The following CELF4 variants were observed in gnomAD, a reference collection of about 807,000 sequenced individuals.
CELF4 encodes the protein CUG-BP- and ETR-3-like factor 4.
A neutral mutation model predicts 59.9 loss-of-function variants in CELF4; 18 were observed. The observed-to-expected ratio is 0.30, with a 90% CI of 0.21 to 0.45. The LOEUF is 0.45. Ranked by LOEUF, CELF4 falls within the 20% of genes least tolerant of loss-of-function variation. CELF4 has a pLI of 1.00. For synonymous variants in CELF4, 261 were observed against 267.1 expected (o/e 0.98, Z 0.22); for missense variants, 456 against 689.0 (o/e 0.66, Z 3.79).
At chr18:37,324,546 C>T (rs534875018) in intron 2 of CELF4, among the ~76,000 whole-genome samples, 1 of 152,302 alleles carries the variant, frequency 6.6e-6, no homozygotes, top group South Asian at 2.1e-4. Context: ...TTGTTTAAGC[C>T]ACCTGGTCTG....
chr18:37,555,631 T>C (rs182546078), intron 1 of CELF4, among the ~76,000 whole-genome samples: 237 of 152,346 alleles, frequency 1.6e-3, no homozygotes, highest in Non-Finnish European at 2.9e-3. Context: ...TCTGGTTATA[T>C]TGGTCAACCA....
At chr18:37,334,985 A>G (rs968591460) in intron 2 of CELF4, among the ~76,000 whole-genome samples, 7 of 149,932 alleles carry the variant, frequency 4.7e-5, no homozygotes, top group Non-Finnish European at 1.0e-4. Flanking sequence ...AGATTTAATC[A>G]CTCCCTCGCT....
At chr18:37,393,532 C>T (rs2099193327) in intron 2 of CELF4, among the ~76,000 whole-genome samples, 1 of 152,192 alleles carries the variant, frequency 6.6e-6, no homozygotes, top group African/African-American at 2.4e-5. Flanking sequence ...TGGAGTCCTG[C>T]AGGGAACTCA....
At chr18:37,411,609 A>T (rs2099459499) in intron 2 of CELF4, among the ~76,000 whole-genome samples, 1 of 152,220 alleles carries the variant, frequency 6.6e-6, no homozygotes, top group Non-Finnish European at 1.5e-5. Context: ...ACTGGCATTT[A>T]AAACACACAA....
chr18:37,303,196 C>A (rs531608449), intron 3 of CELF4, among the ~76,000 whole-genome samples: 1 of 152,068 alleles, frequency 6.6e-6, no homozygotes, highest in Non-Finnish European at 1.5e-5. Flanking sequence ...AGAGCCGTGG[C>A]CCCTGGGAGG....
chr18:37,258,185 T>C (rs897392311), intron 11 of CELF4, among the ~76,000 whole-genome samples: 2 of 152,164 alleles, frequency 1.3e-5, no homozygotes, highest in East Asian at 3.9e-4. Flanking sequence ...CTGAGCACAT[T>C]TCCTGCAAAC....
At chr18:37,338,599 G>A (rs2097864169) in intron 2 of CELF4, among the ~76,000 whole-genome samples, 1 of 152,194 alleles carries the variant, frequency 6.6e-6, no homozygotes, top group African/African-American at 2.4e-5. Context: ...GTCATGGCAG[G>A]CCCCTACAAT....
chr18:37,450,690 G>A (rs1021595314), intron 2 of CELF4, among the ~76,000 whole-genome samples: 6 of 151,906 alleles, frequency 3.9e-5, no homozygotes, highest in African/African-American at 7.3e-5. Context: ...CTGACCCTAC[G>A]GGGCACCCGC....
At chr18:37,507,839 G>A (rs762460835) in intron 1 of CELF4, among the ~76,000 whole-genome samples, 1 of 152,288 alleles carries the variant, frequency 6.6e-6, no homozygotes, top group Admixed American at 6.5e-5. Context: ...CTTGTGCAAA[G>A]AGGCCCCTGT....
At chr18:37,482,267 T>C (rs899461301) in intron 2 of CELF4, among the ~76,000 whole-genome samples, 1 of 152,074 alleles carries the variant, frequency 6.6e-6, no homozygotes, top group African/African-American at 2.4e-5. Context: ...CCCCTGTGAA[T>C]AGTGAAACAA....
intron 1 of CELF4, among the ~76,000 whole-genome samples, chr18:37,524,946 C>T (rs975962691): frequency 2.0e-5 from 3 of 152,238 alleles, no homozygotes; most frequent in African/African-American, 7.2e-5. Context: ...GCTCTTTGAG[C>T]CCCGCTTCCT....
At chr18:37,379,849 G>A (rs1423466094) in intron 2 of CELF4, among the ~76,000 whole-genome samples, 1 of 152,166 alleles carries the variant, frequency 6.6e-6, no homozygotes, top group Non-Finnish European at 1.5e-5. Flanking sequence ...ATGGAGCATG[G>A]TGTTGGAGAG....
chr18:37,476,377 A>C (rs556134015), intron 2 of CELF4, among the ~76,000 whole-genome samples: 1 of 152,208 alleles, frequency 6.6e-6, no homozygotes, highest in Non-Finnish European at 1.5e-5. Context: ...GATGCCACCC[A>C]CATGGCGCCC....
At chr18:37,279,629 C>T (rs952713946) in intron 3 of CELF4, among the ~76,000 whole-genome samples, 2 of 152,212 alleles carry the variant, frequency 1.3e-5, no homozygotes, top group African/African-American at 4.8e-5. Flanking sequence ...GACGAAGCTG[C>T]TCGTTGGAAC....
At chr18:37,377,759 T>C (rs1292315112) in intron 2 of CELF4, among the ~76,000 whole-genome samples, 2 of 152,112 alleles carry the variant, frequency 1.3e-5, no homozygotes, top group Admixed American at 6.5e-5. Context: ...CTCTAGAGTG[T>C]GCTTGGTTCC....
At chr18:37,296,269 C>T (rs553287383) in intron 3 of CELF4, among the ~76,000 whole-genome samples, 2 of 152,252 alleles carry the variant, frequency 1.3e-5, no homozygotes, top group Non-Finnish European at 2.9e-5. Flanking sequence ...CATCCTCCCA[C>T]CTCAGCTTCC....
chr18:37,309,541 G>A (rs1234695183), intron 3 of CELF4, among the ~76,000 whole-genome samples: 1 of 152,112 alleles, frequency 6.6e-6, no homozygotes, highest in Non-Finnish European at 1.5e-5. Flanking sequence ...GGAAAAAGCA[G>A]ATCCCGCTAA....
chr18:37,396,203 T>C (rs986069718), intron 2 of CELF4, among the ~76,000 whole-genome samples: 6 of 152,208 alleles, frequency 3.9e-5, no homozygotes, highest in Non-Finnish European at 7.3e-5. Context: ...TGCATTTGGA[T>C]GTGCTAGTGG....
At chr18:37,556,514 G>A (rs2099984852) in intron 1 of CELF4, among the ~76,000 whole-genome samples, 1 of 152,176 alleles carries the variant, frequency 6.6e-6, no homozygotes, top group Non-Finnish European at 1.5e-5. Context: ...TGTAGTAGAA[G>A]GCATGCTTTT....
Sources: gnomAD v4.1 joint callset for allele counts (sites outside exome capture counted in the v4.1 genomes callset) on GRCh38, gnomAD v4.1.1 for gene constraint, MANE v1.5 for transcripts, NCBI Gene and HGNC (gene_info 2026-07-23, HGNC 2026-07-21) for gene names.